Variants in NPY1R observed in about 807,000 individuals in gnomAD.
NPY1R encodes the protein neuropeptide Y receptor Y1.
Under a neutral mutation model 24.1 loss-of-function variants are expected in NPY1R, and 10 were observed. The ratio of observed to expected loss-of-function variants is 0.42; its 90% CI spans 0.26 to 0.71. NPY1R has a LOEUF of 0.71. Ranked by LOEUF, NPY1R falls within the 30% of genes least tolerant of loss-of-function variation. NPY1R has a pLI of 0.28. For synonymous variants in NPY1R, 168 were observed against 165.9 expected (o/e 1.01, Z -0.10); for missense variants, 350 against 458.0 (o/e 0.76, Z 2.15).
upstream of NPY1R, among the ~76,000 whole-genome samples, chr4:163,334,086 A>G (rs1254534617): frequency 6.6e-6 from 1 of 152,152 alleles, no homozygotes; most frequent in Non-Finnish European, 1.5e-5. Flanking sequence ...TCTTTCAGGG[A>G]AGAATAACTA....
chr4:163,342,693 CA>C (rs1333417567), intron 1 of NPY1R, among the ~76,000 whole-genome samples: 1 of 152,112 alleles, frequency 6.6e-6, no homozygotes, highest in Non-Finnish European at 1.5e-5. Context: ...TGAAATCCAG[CA>C]GAAAGGGGAC....
chr4:163,332,251 G>A (rs537892122), intron 1 of NPY1R, among the ~76,000 whole-genome samples: 1 of 152,204 alleles, frequency 6.6e-6, no homozygotes, highest in South Asian at 2.1e-4. Flanking sequence ...CCCGAACTCC[G>A]CGTAGGGTAC....
chr4:163,336,942 C>T (rs1734851253), upstream of NPY1R, among the ~76,000 whole-genome samples: 1 of 152,096 alleles, frequency 6.6e-6, no homozygotes, highest in African/African-American at 2.4e-5. Context: ...GCCTGGGCAA[C>T]AGAGTGATAC....
In NPY1R at chr4:163,325,932, C is replaced by T; in HGVS notation, c.623G>A (p.Arg208Lys). 1 of 1,613,980 alleles carries T rather than the reference C, an allele frequency of 6.2e-7. No homozygotes were observed. Among genetic ancestry groups the T allele is most frequent in the Non-Finnish European group, 8.5e-7 (1 of 1,179,958 alleles). ...CAAGAGGAGAGTGGTATAAGACAAC[C>T]TATGAGAGTCCGATGGAAATTGATC... is the stretch of plus-strand genomic sequence containing the variant. ...CFDQFPSDSH[R>K]LSYTTLLLVL... The change falls in exon 2 of 3, where the codon AGG (arginine) becomes AAG (lysine). Residue 208 changes from arginine to lysine, a missense_variant. Coordinates refer to ENST00000296533, the MANE Select transcript of NPY1R (RefSeq NM_000909.6).
intron 1 of NPY1R, among the ~76,000 whole-genome samples, chr4:163,329,945 G>A (rs1056309419): frequency 2.0e-5 from 3 of 152,004 alleles, no homozygotes; most frequent in African/African-American, 7.2e-5. Flanking sequence ...GAGCTGGGGA[G>A]CCTCTGGAGA....
rs1716384603 is a variant in NPY1R, at chr4:163,326,490, T to C, written c.65A>G (p.Asn22Ser). The change falls in exon 2 of 3, where the codon AAT (asparagine) becomes AGT (serine). Residue 22 changes from asparagine to serine, a missense_variant. Coordinates refer to ENST00000296533, the MANE Select transcript of NPY1R (RefSeq NM_000909.6). ...ATTTTCAAAAGCCAGAAGCTGGGCA[T>C]TCTTCTCTGAGAAATTAGAGTGGAC... ...HSVHSNFSEK[N>S]AQLLAFENDD... 3.7e-6 allele frequency: 6 copies of C among 1,612,946 alleles called. No individual in the cohort carries two copies. The African/African-American group carries it at 6.7e-5, about 18-fold the overall frequency.
upstream of NPY1R, among the ~76,000 whole-genome samples, chr4:163,334,437 G>C (rs1734793742): frequency 6.6e-6 from 1 of 152,172 alleles, no homozygotes; most frequent in Non-Finnish European, 1.5e-5. Flanking sequence ...TTTTTATGAA[G>C]TGTTCTCCCT....
At chr4:163,337,002 T>C (rs74963157), upstream of NPY1R, among the ~76,000 whole-genome samples, 4 of 148,224 alleles carry the variant, frequency 2.7e-5, no homozygotes, top group African/African-American at 9.8e-5. Context: ...GTTTTTTTTT[T>C]GTACACCTAC....
chr4:163,337,792 C>A (rs879940421), upstream of NPY1R, among the ~76,000 whole-genome samples: 1 of 152,226 alleles, frequency 6.6e-6, no homozygotes, highest in Non-Finnish European at 1.5e-5. Flanking sequence ...ATCTCTTTCT[C>A]ATAGTAACTC....
chr4:163,335,882 T>A (rs1734830208), upstream of NPY1R, among the ~76,000 whole-genome samples: 1 of 152,090 alleles, frequency 6.6e-6, no homozygotes, highest in Admixed American at 6.5e-5. Flanking sequence ...TTAAAATGCT[T>A]TTTAAGCCCA....
chr4:163,331,285 AGT>A (rs1734722087), intron 1 of NPY1R: 1 of 152,084 alleles, frequency 6.6e-6, no homozygotes, highest in Non-Finnish European at 1.5e-5. Flanking sequence ...TGTGTGTGTG[AGT>A]GTGAGTGTGT....
intron 1 of NPY1R, chr4:163,344,064 G>GT (rs1414703114): frequency 6.6e-6 from 1 of 152,260 alleles, no homozygotes; most frequent in Non-Finnish European, 1.5e-5. Context: ...CCGAGGGGCC[G>GT]TGGCGGGTCC....
chr4:163,336,300 C>CA (rs1157710835), upstream of NPY1R, among the ~76,000 whole-genome samples: 9 of 151,248 alleles, frequency 6.0e-5, no homozygotes, highest in African/African-American at 1.7e-4. Context: ...TTTAGACATT[C>CA]AAAAAAAAGT....
In NPY1R at chr4:163,332,481, C is replaced by CAG. The variant is rs1734756882; in HGVS notation, c.-152_-152+1insCT. The CAG allele has an allele frequency of 6.6e-6, 1 of 152,254 alleles. No individual in the cohort carries two copies. The highest frequency in any genetic ancestry group is 1.5e-5 in the Non-Finnish European group (1 of 68,098). The allele number at this position is 152,254 out of a possible 1,614,324, so 9.4% of individuals were successfully genotyped here. The stretch of plus-strand genomic sequence containing the variant: ...TGGAAAGGCATAAACTCGCAACTTA[C>CAG]CCTCTTTGGAATTTGTCTTTTTCGC... On this transcript the variant is annotated splice_region_variant and 5_prime_UTR_variant. Transcript: ENST00000296533.
chr4:163,332,114 A>C (rs532512612), intron 1 of NPY1R, among the ~76,000 whole-genome samples: 1 of 152,362 alleles, frequency 6.6e-6, no homozygotes, highest in Admixed American at 6.5e-5. Context: ...CACGTAAGGA[A>C]AATGAGCGGG....
upstream of NPY1R, chr4:163,333,029 TTTTCTTTTGC>T (rs1734767438): frequency 7.1e-6 from 1 of 141,734 alleles, no homozygotes; most frequent in Admixed American, 7.8e-5. Flanking sequence ...GGCACTAATA[TTTTCTTTTGC>T]TTTCTTTTGT....
chr4:163,336,564 G>A (rs1425781751), upstream of NPY1R, among the ~76,000 whole-genome samples: 1 of 152,142 alleles, frequency 6.6e-6, no homozygotes, highest in Admixed American at 6.5e-5. Flanking sequence ...AAAATCTCAA[G>A]CTTGGTATTA....
intron 1 of NPY1R, among the ~76,000 whole-genome samples, chr4:163,339,359 A>G (rs576151245): frequency 6.6e-6 from 1 of 152,298 alleles, no homozygotes; most frequent in East Asian, 1.9e-4. Flanking sequence ...TTTATTTTTA[A>G]GAATGAATTA....
intron 1 of NPY1R, among the ~76,000 whole-genome samples, chr4:163,328,857 A>C (rs547648823): frequency 6.6e-6 from 1 of 152,156 alleles, no homozygotes; most frequent in Non-Finnish European, 1.5e-5. Context: ...GGCTCCTCTC[A>C]TTTTTAATAT....
Sources: gnomAD v4.1 joint callset for allele counts (sites outside exome capture counted in the v4.1 genomes callset) on GRCh38, gnomAD v4.1.1 for gene constraint, MANE v1.5 for transcripts, NCBI Gene and HGNC (gene_info 2026-07-23, HGNC 2026-07-21) for gene names.